Variants in LEMD3 observed in about 807,000 individuals in gnomAD.
The protein encoded by LEMD3 is LEM domain containing 3, also known as inner nuclear membrane protein Man1.
In LEMD3, 33 loss-of-function variants were observed where a neutral mutation model predicts 95.2. The observed-to-expected ratio is 0.35, with a 90% CI of 0.26 to 0.46. The LOEUF is 0.46. LEMD3 is among the 20% of genes least tolerant of loss of function. The probability of loss-of-function intolerance (pLI) is 1.00; values close to 1 mark genes in which losing one functional copy is unlikely to be tolerated. For synonymous variants in LEMD3, 525 were observed against 474.6 expected (o/e 1.11, Z -1.38); for missense variants, 1,210 against 1,192.8 (o/e 1.01, Z -0.21).
intron 3 of LEMD3, among the ~76,000 whole-genome samples, chr12:65,217,541 C>A (rs1246025357): frequency 6.6e-6 from 1 of 152,132 alleles, no homozygotes; most frequent in Non-Finnish European, 1.5e-5. Flanking sequence ...AAGGATTTTA[C>A]TTTAATTATT....
intron 1 of LEMD3, among the ~76,000 whole-genome samples, chr12:65,180,165 T>G (rs1392949371): frequency 6.6e-6 from 1 of 151,974 alleles, no homozygotes; most frequent in East Asian, 1.9e-4. Flanking sequence ...AGGCTGGTCT[T>G]AAACTCCTGA....
At chr12:65,171,174 T>C in intron 1 of LEMD3, 56 bp downstream of exon 1, 1 of 1,600,242 alleles carries the variant, frequency 6.2e-7, no homozygotes, top group Non-Finnish European at 8.5e-7. Context: ...AGTGGTCCGC[T>C]TTAGCCGCGC....
At chr12:65,211,675 G>T (rs537903375) in intron 2 of LEMD3, among the ~76,000 whole-genome samples, 1 of 152,140 alleles carries the variant, frequency 6.6e-6, no homozygotes, top group African/African-American at 2.4e-5. Context: ...ATTACTTTCT[G>T]TTGTTAAAGT....
chr12:65,240,850 A>G, intron 8 of LEMD3, 59 bp from the exon 9 acceptor site: 1 of 1,469,114 alleles, frequency 6.8e-7, no homozygotes, highest in Non-Finnish European at 9.5e-7. Context: ...AGATACTAAT[A>G]TTTCAAAAAG....
intron 4 of LEMD3, among the ~76,000 whole-genome samples, chr12:65,236,596 ATAC>A (rs1407940239): frequency 5.9e-5 from 9 of 152,238 alleles, no homozygotes; most frequent in African/African-American, 2.2e-4. Context: ...ACATAAAGAC[ATAC>A]TAATAATACA....
intron 9 of LEMD3, 123 bp downstream of exon 9, chr12:65,241,210 T>C: frequency 1.2e-6 from 1 of 810,800 alleles, no homozygotes; most frequent in East Asian, 2.7e-5. Flanking sequence ...TTCTGTTTCG[T>C]AGAAGGAATC....
chr12:65,214,097 G>A (rs562702921), intron 2 of LEMD3, among the ~76,000 whole-genome samples: 23 of 151,794 alleles, frequency 1.5e-4, no homozygotes, highest in Admixed American at 1.1e-3. Flanking sequence ...ATGGATTCTC[G>A]CTCTGTCACC....
chr12:65,218,060 T>A (rs1436660299), intron 3 of LEMD3, among the ~76,000 whole-genome samples: 1 of 152,272 alleles, frequency 6.6e-6, no homozygotes, highest in Non-Finnish European at 1.5e-5. Context: ...GCACATACTT[T>A]AATTCATTAA....
chr12:65,207,707 T>C (rs1433931128), intron 1 of LEMD3, among the ~76,000 whole-genome samples: 1 of 152,168 alleles, frequency 6.6e-6, no homozygotes, highest in Non-Finnish European at 1.5e-5. Flanking sequence ...GCATCCTGAA[T>C]ATACTATTGC....
At chr12:65,181,266 G>C (rs1565780172) in intron 1 of LEMD3, among the ~76,000 whole-genome samples, 1 of 152,064 alleles carries the variant, frequency 6.6e-6, no homozygotes, top group Admixed American at 6.5e-5. Context: ...TTTCTTGTTT[G>C]ATTTAGTTCA....
chr12:65,212,618 GAGA>G (rs1406821716), intron 2 of LEMD3, among the ~76,000 whole-genome samples: 2 of 151,292 alleles, frequency 1.3e-5, no homozygotes, highest in Non-Finnish European at 2.9e-5. Context: ...GACAATATAT[GAGA>G]AAATTGGATA....
At chr12:65,210,697 C>T (rs1413386408) in intron 1 of LEMD3, among the ~76,000 whole-genome samples, 2 of 152,112 alleles carry the variant, frequency 1.3e-5, no homozygotes, top group East Asian at 1.9e-4. Context: ...GATACCAGAG[C>T]ACCTGATCTC....
At chr12:65,225,228 G>A (rs1870411333) in intron 4 of LEMD3, among the ~76,000 whole-genome samples, 1 of 151,998 alleles carries the variant, frequency 6.6e-6, no homozygotes, top group South Asian at 2.1e-4. Context: ...ATATGTTTTG[G>A]AAGTGTATTT....
In LEMD3 at chr12:65,238,592, T is replaced by C. The variant is rs1474848778; in HGVS notation, c.1775+11T>C. 1 of 1,612,022 alleles carries C rather than the reference T, an allele frequency of 6.2e-7. No individual in the cohort carries two copies. Among genetic ancestry groups the C allele is most frequent in the East Asian group, 2.2e-5 (1 of 44,824 alleles). On this transcript the variant is annotated intron_variant, in intron 5 of 12. Transcript: ENST00000308330. Reference sequence around the variant, plus strand: ...AGATGTTGGAATAAGGTAAAGGATCTGATTTCCACTTTGACCATTCTGTAC... The same window carrying C: ...AGATGTTGGAATAAGGTAAAGGATCCGATTTCCACTTTGACCATTCTGTAC...
At chr12:65,209,992 G>A (rs1396152533) in intron 1 of LEMD3, among the ~76,000 whole-genome samples, 1 of 151,954 alleles carries the variant, frequency 6.6e-6, no homozygotes, top group Non-Finnish European at 1.5e-5. Flanking sequence ...AAAGTTTACA[G>A]GTATCTGAAA....
At chr12:65,237,383 A>G (rs1247596413) in intron 4 of LEMD3, among the ~76,000 whole-genome samples, 1 of 152,202 alleles carries the variant, frequency 6.6e-6, no homozygotes, top group African/African-American at 2.4e-5. Flanking sequence ...AACATTGGAA[A>G]GTATTTTAGT....
intron 4 of LEMD3, among the ~76,000 whole-genome samples, chr12:65,233,822 G>A (rs1870699119): frequency 6.6e-6 from 1 of 152,158 alleles, no homozygotes; most frequent in African/African-American, 2.4e-5. Flanking sequence ...AGCATCTGAT[G>A]TGGGTTTTAA....
chr12:65,171,261 A>G, intron 1 of LEMD3, 143 bp downstream of exon 1: 3 of 1,421,062 alleles, frequency 2.1e-6, no homozygotes, highest in Non-Finnish European at 2.9e-6. Flanking sequence ...TGCATGTGTC[A>G]TCTTTCTTAA....
At chr12:65,220,409 G>T (rs1199277696) in intron 4 of LEMD3, among the ~76,000 whole-genome samples, 1 of 152,116 alleles carries the variant, frequency 6.6e-6, no homozygotes, top group Admixed American at 6.5e-5. Flanking sequence ...TGATTTTTAA[G>T]TTGGGTTATT....
Sources: gnomAD v4.1 joint callset for allele counts (sites outside exome capture counted in the v4.1 genomes callset) on GRCh38, gnomAD v4.1.1 for gene constraint, MANE v1.5 for transcripts, NCBI Gene and HGNC (gene_info 2026-07-23, HGNC 2026-07-21) for gene names.